Variants in SPAG16 observed in about 807,000 individuals in gnomAD.
The protein encoded by SPAG16 is sperm associated antigen 16.
SPAG16 carries 86 observed loss-of-function variants against 80.4 expected under a neutral mutation model. That is an observed-to-expected ratio of 1.07 (90% CI 0.90 to 1.28). The LOEUF is 1.28. Ranked by LOEUF, SPAG16 falls within the 50% of genes most tolerant of loss-of-function variation. The pLI is 0.00. For synonymous variants in SPAG16, 294 were observed against 265.9 expected, an observed-to-expected ratio of 1.11 and a Z score of -1.03; for missense variants, 870 against 765.3, an observed-to-expected ratio of 1.14 and a Z score of -1.61.
In SPAG16 at chr2:214,140,334, G is replaced by A. The variant is rs142941997; in HGVS notation, c.1594-8806G>A. On this transcript the variant is annotated intron_variant, in intron 14 of 15. Coordinates refer to ENST00000331683, the MANE Select transcript of SPAG16 (RefSeq NM_024532.5). Reference sequence around the variant, plus strand: ...TAGTTTCTAATTTAATTGCATCATCGTCATAAAATGTGGCCTTTATAACAC... The same window carrying A: ...TAGTTTCTAATTTAATTGCATCATCATCATAAAATGTGGCCTTTATAACAC... 1.6e-3 allele frequency among the ~76,000 whole-genome samples: 247 copies of A among 150,702 alleles called. 1 individual carries two copies. The highest frequency in any genetic ancestry group is 3.0e-3 in the Non-Finnish European group (204 of 67,804).
intron 13 of SPAG16, among the ~76,000 whole-genome samples, chr2:214,016,844 A>T (rs2124981214): frequency 6.6e-6 from 1 of 152,322 alleles, no homozygotes; most frequent in African/African-American, 2.4e-5. Context: ...AAATATTCAT[A>T]ATTTCTGGTT....
intron 3 of SPAG16, among the ~76,000 whole-genome samples, chr2:213,300,949 C>T (rs2062717570): frequency 6.6e-6 from 1 of 151,806 alleles, no homozygotes; most frequent in East Asian, 1.9e-4. Flanking sequence ...GTTAATATAC[C>T]AAAATATAGT....
intron 10 of SPAG16, among the ~76,000 whole-genome samples, chr2:213,860,089 G>A (rs1400650659): frequency 1.3e-5 from 2 of 151,984 alleles, no homozygotes; most frequent in African/African-American, 2.4e-5. Context: ...CTGGTCCATA[G>A]CCCTTAAACT....
At chr2:213,789,132 C>T (rs1347905890) in intron 10 of SPAG16, among the ~76,000 whole-genome samples, 1 of 151,786 alleles carries the variant, frequency 6.6e-6, no homozygotes, top group Non-Finnish European at 1.5e-5. Context: ...CTTAAAAATG[C>T]ATGTATGGAA....
intron 15 of SPAG16, among the ~76,000 whole-genome samples, chr2:214,334,961 G>C (rs1297323547): frequency 2.0e-5 from 3 of 152,158 alleles, no homozygotes; most frequent in Non-Finnish European, 4.4e-5. Context: ...GGGTTCCAGG[G>C]AAATAGACTT....
intron 10 of SPAG16, among the ~76,000 whole-genome samples, chr2:213,737,561 C>T (rs1396784078): frequency 6.6e-6 from 1 of 150,688 alleles, no homozygotes; most frequent in African/African-American, 2.4e-5. Flanking sequence ...GATCTCGGCT[C>T]ACTGCAAGCT....
chr2:214,201,538 G>A (rs981202365), intron 15 of SPAG16, among the ~76,000 whole-genome samples: 2 of 152,100 alleles, frequency 1.3e-5, no homozygotes, highest in African/African-American at 4.8e-5. Flanking sequence ...TAAGGAGGAT[G>A]TTAAAAGTTC....
intron 12 of SPAG16, among the ~76,000 whole-genome samples, chr2:213,983,236 C>T (rs1025917971): frequency 2.6e-5 from 4 of 151,656 alleles, no homozygotes; most frequent in African/African-American, 9.7e-5. Context: ...CTATATATAC[C>T]AATCATTTTC....
intron 15 of SPAG16, among the ~76,000 whole-genome samples, chr2:214,193,427 G>GTGTGT (rs1491127730): frequency 6.8e-3 from 505 of 74,614 alleles, no homozygotes; most frequent in Middle Eastern, 0.014. Context: ...GTGTGTGTAT[G>GTGTGT]AGAGAGAGAG....
intron 9 of SPAG16, among the ~76,000 whole-genome samples, chr2:213,404,339 G>A (rs1207301108): frequency 6.6e-6 from 1 of 152,120 alleles, no homozygotes; most frequent in African/African-American, 2.4e-5. Context: ...AAAACAGCAT[G>A]GTACTGGTAC....
At chr2:214,197,220 A>G (rs1462329863) in intron 15 of SPAG16, among the ~76,000 whole-genome samples, 1 of 152,068 alleles carries the variant, frequency 6.6e-6, no homozygotes, top group African/African-American at 2.4e-5. Context: ...GATACAATAT[A>G]TCTTAAACAC....
At chr2:213,455,420 C>T (rs1158454439) in intron 9 of SPAG16, among the ~76,000 whole-genome samples, 1 of 152,136 alleles carries the variant, frequency 6.6e-6, no homozygotes, top group Admixed American at 6.6e-5. Flanking sequence ...GTTCCAGGGG[C>T]TAATCTTGAA....
At chr2:213,735,838 T>C (rs891303392) in intron 10 of SPAG16, among the ~76,000 whole-genome samples, 1 of 152,226 alleles carries the variant, frequency 6.6e-6, no homozygotes, top group African/African-American at 2.4e-5. Context: ...TTGAAAGATA[T>C]ATTATGTCTA....
intron 10 of SPAG16, among the ~76,000 whole-genome samples, chr2:213,819,473 T>C (rs1050079787): frequency 1.3e-5 from 2 of 152,220 alleles, no homozygotes; most frequent in African/African-American, 4.8e-5. Flanking sequence ...TTCACTCTTA[T>C]ATTCTCAGTT....
At chr2:213,446,192 A>G (rs1188449732) in intron 9 of SPAG16, among the ~76,000 whole-genome samples, 2 of 152,246 alleles carry the variant, frequency 1.3e-5, no homozygotes, top group Admixed American at 1.3e-4. Context: ...AAGCCAGAGT[A>G]TATTCTTACC....
At chr2:213,588,436 C>T (rs1262308743) in intron 10 of SPAG16, among the ~76,000 whole-genome samples, 1 of 150,882 alleles carries the variant, frequency 6.6e-6, no homozygotes, top group Non-Finnish European at 1.5e-5. Context: ...ACACTAACCA[C>T]CTCATTTATT....
At chr2:213,324,832 G>A (rs1028295787) in intron 5 of SPAG16, among the ~76,000 whole-genome samples, 1 of 152,100 alleles carries the variant, frequency 6.6e-6, no homozygotes, top group African/African-American at 2.4e-5. Context: ...CCACATTCAA[G>A]TTGGTCCATT....
At chr2:213,804,493 C>G (rs1433666354) in intron 10 of SPAG16, among the ~76,000 whole-genome samples, 1 of 152,078 alleles carries the variant, frequency 6.6e-6, no homozygotes, top group Non-Finnish European at 1.5e-5. Context: ...ACCGTCCTGG[C>G]TAACACGGTG....
chr2:213,457,242 G>A (rs547335652), intron 9 of SPAG16, among the ~76,000 whole-genome samples: 3 of 152,178 alleles, frequency 2.0e-5, no homozygotes, highest in African/African-American at 7.2e-5. Context: ...TGCTTTGCTA[G>A]CATTCCTCTT....
Sources: gnomAD v4.1 joint callset for allele counts (sites outside exome capture counted in the v4.1 genomes callset) on GRCh38, gnomAD v4.1.1 for gene constraint, MANE v1.5 for transcripts, NCBI Gene and HGNC (gene_info 2026-07-23, HGNC 2026-07-21) for gene names.